Variants in ENTREP2 observed in about 807,000 individuals in gnomAD.
ENTREP2 encodes the protein protein ENTREP2.
chr15:29,439,287 AC>A, the ENTREP2 span, among the ~76,000 whole-genome samples: 43,470 of 90,636 alleles, frequency 0.48, 7,092 homozygotes, highest in South Asian at 0.58. Context: ...TTGGAATTAC[AC>A]ACACACACAC....
At chr15:29,157,847 A>G in the ENTREP2 span, among the ~76,000 whole-genome samples, 1 of 151,338 alleles carries the variant, frequency 6.6e-6, no homozygotes, top group Non-Finnish European at 1.5e-5. Context: ...CTCCTGCCTC[A>G]GCCTCCCGAG....
At chr15:29,610,568 C>G in the ENTREP2 span, 2 of 150,710 alleles carry the variant, frequency 1.3e-5, 1 homozygote, top group Non-Finnish European at 3.0e-5. Context: ...CTTCCAGAAA[C>G]CCAGCTTCCA....
At chr15:29,237,417 C>T in the ENTREP2 span, among the ~76,000 whole-genome samples, 3 of 152,086 alleles carry the variant, frequency 2.0e-5, no homozygotes, top group East Asian at 5.8e-4. Flanking sequence ...GCACTAGATA[C>T]CAACATTTTT....
chr15:29,556,800 C>T, the ENTREP2 span, among the ~76,000 whole-genome samples: 3 of 151,260 alleles, frequency 2.0e-5, no homozygotes, highest in Non-Finnish European at 4.4e-5. Context: ...AGTTCCCCAC[C>T]TGTGGTCCCC....
the ENTREP2 span, among the ~76,000 whole-genome samples, chr15:29,224,098 T>C: frequency 3.9e-5 from 6 of 152,258 alleles, no homozygotes; most frequent in Middle Eastern, 3.4e-3. Flanking sequence ...CTTTGTTCCT[T>C]CTGGTGTTCG....
At chr15:29,203,632 T>C in the ENTREP2 span, among the ~76,000 whole-genome samples, 1 of 152,196 alleles carries the variant, frequency 6.6e-6, no homozygotes, top group Admixed American at 6.5e-5. Flanking sequence ...TCTTAAGCAA[T>C]TTTGAAATAT....
At chr15:29,314,945 G>T in the ENTREP2 span, among the ~76,000 whole-genome samples, 1 of 152,106 alleles carries the variant, frequency 6.6e-6, no homozygotes, top group South Asian at 2.1e-4. Flanking sequence ...CCAGCTACTT[G>T]GGAGGCTGAG....
chr15:29,513,019 T>C, the ENTREP2 span, among the ~76,000 whole-genome samples: 2 of 152,248 alleles, frequency 1.3e-5, no homozygotes, highest in African/African-American at 4.8e-5. Flanking sequence ...TCTCATATTC[T>C]TTAAAAAGTC....
chr15:29,336,151 A>G, the ENTREP2 span, among the ~76,000 whole-genome samples: 1,983 of 151,136 alleles, frequency 0.013, 47 homozygotes, highest in African/African-American at 0.045. Context: ...CAAAAAAAAA[A>G]AAAAAAAAAA....
At chr15:29,364,545 G>A in the ENTREP2 span, among the ~76,000 whole-genome samples, 2 of 152,230 alleles carry the variant, frequency 1.3e-5, no homozygotes, top group East Asian at 1.9e-4. Context: ...GCGGTAAAAC[G>A]CTTCAGTCTA....
At chr15:29,123,646 G>C in the ENTREP2 span, 8 of 1,547,010 alleles carry the variant, frequency 5.2e-6, no homozygotes, top group South Asian at 8.3e-5. Flanking sequence ...GGCAGAGCGA[G>C]ACATGGAAGC....
the ENTREP2 span, among the ~76,000 whole-genome samples, chr15:29,650,669 T>C: frequency 6.6e-6 from 1 of 152,064 alleles, no homozygotes; most frequent in South Asian, 2.1e-4. Flanking sequence ...GAGGTACAAA[T>C]GTAGGTACAC....
At chr15:29,437,350 C>T in the ENTREP2 span, among the ~76,000 whole-genome samples, 8 of 152,082 alleles carry the variant, frequency 5.3e-5, no homozygotes, top group Non-Finnish European at 8.8e-5. Flanking sequence ...AAAAAGTAAA[C>T]GTCTAAATTA....
At chr15:29,133,565 C>A in the ENTREP2 span, among the ~76,000 whole-genome samples, 1 of 152,200 alleles carries the variant, frequency 6.6e-6, no homozygotes, top group Non-Finnish European at 1.5e-5. Flanking sequence ...CTCCATGGTG[C>A]GCCACGTGGC....
the ENTREP2 span, among the ~76,000 whole-genome samples, chr15:29,325,748 T>C: frequency 6.6e-6 from 1 of 152,156 alleles, no homozygotes; most frequent in East Asian, 1.9e-4. Context: ...TAATTTATTC[T>C]ATGAGGCCAG....
chr15:29,417,333 T>A, the ENTREP2 span, among the ~76,000 whole-genome samples: 3 of 152,166 alleles, frequency 2.0e-5, no homozygotes, highest in South Asian at 2.1e-4. Context: ...TGATGAGTTC[T>A]TGTCCTTTGT....
chr15:29,631,674 T>C, the ENTREP2 span, among the ~76,000 whole-genome samples: 3 of 152,244 alleles, frequency 2.0e-5, no homozygotes, highest in African/African-American at 7.2e-5. Flanking sequence ...AAGAATCATT[T>C]TCTCCAGCTT....
chr15:29,366,829 A>C, the ENTREP2 span, among the ~76,000 whole-genome samples: 1 of 152,356 alleles, frequency 6.6e-6, no homozygotes, highest in Non-Finnish European at 1.5e-5. Flanking sequence ...CTCCAAGATG[A>C]TTAAGAACTG....
the ENTREP2 span, among the ~76,000 whole-genome samples, chr15:29,482,454 T>G: frequency 2.6e-5 from 4 of 152,188 alleles, no homozygotes; most frequent in African/African-American, 7.2e-5. Context: ...CATTGTAGTA[T>G]CTTAAGAGAC....
Sources: allele counts gnomAD v4.1 joint callset (sites outside exome capture counted in the v4.1 genomes callset), GRCh38; gene constraint gnomAD v4.1.1; transcripts MANE v1.5; gene names NCBI Gene and HGNC (gene_info 2026-07-23, HGNC 2026-07-21).